SLC25A18: variants seen among roughly 807,000 people sequenced by gnomAD.
SLC25A18 encodes the protein mitochondrial glutamate carrier 2.
A neutral mutation model predicts 31.1 loss-of-function variants in SLC25A18; 24 were observed. The observed-to-expected ratio is 0.77, with a 90% CI of 0.56 to 1.08. The LOEUF is 1.08. SLC25A18 is among the 50% of genes least tolerant of loss of function. The pLI is 0.00. For missense variants in SLC25A18, 371 were observed against 418.5 expected (o/e 0.89, Z 0.99); for synonymous variants, 173 against 161.9 (o/e 1.07, Z -0.52).
chr22:17,569,288 G>C (rs1178659603), intron 1 of SLC25A18, among the ~76,000 whole-genome samples: 1 of 152,122 alleles, frequency 6.6e-6, no homozygotes, highest in Admixed American at 6.5e-5. Flanking sequence ...GATTACAGGC[G>C]TGAGCCACCG....
intron 1 of SLC25A18, among the ~76,000 whole-genome samples, chr22:17,564,987 C>T (rs531874678): frequency 3.3e-4 from 50 of 152,192 alleles, no homozygotes; most frequent in African/African-American, 1.1e-3. Flanking sequence ...GTGGGTGGAT[C>T]GCTTGAGCCC....
At position 17,588,004 on chromosome 22, in the gene SLC25A18, G is replaced by A. The variant is rs1263200560; in HGVS notation, c.655G>A (p.Ala219Thr). 6.2e-7 allele frequency: 1 copy of A among 1,614,218 alleles called. No homozygotes were observed. Among genetic ancestry groups the A allele is most frequent in the East Asian group, 2.2e-5 (1 of 44,884 alleles). The change falls in exon 9 of 11, where the codon GCG becomes ACG. Residue 219 changes from alanine to threonine, a missense_variant. Physicochemically the swap from Ala to Thr is moderately conservative, Grantham distance 58. Coordinates refer to ENST00000327451, the MANE Select transcript of SLC25A18 (RefSeq NM_031481.3). ...GGGGTTCAACGAGCTCGCCGGTAAG[G>A]CGTCCTTTGCACATTCCTTCGTGTC... ...NLGFNELAGK[A>T]SFAHSFVSGC...
At position 17,588,135 on chromosome 22, in the gene SLC25A18, T is replaced by C. The variant is rs532390863; in HGVS notation, c.730+56T>C. On this transcript the variant is annotated intron_variant, in intron 9 of 10. Coordinates refer to ENST00000327451, the MANE Select transcript of SLC25A18 (RefSeq NM_031481.3). ...GGGATAAACAGTAATTTTGCACTTA[T>C]AGATAAAACAGCCTGACCCTGGAAG... is the stretch of plus-strand genomic sequence containing the variant. 28 of 1,599,646 alleles carry C rather than the reference T, an allele frequency of 1.8e-5. No individual in the cohort carries two copies. The East Asian group carries it at 2.5e-4, about 14-fold the overall frequency.
In SLC25A18 at chr22:17,584,426, G is replaced by GAAA. The variant is rs59024396; in HGVS notation, c.409+892_409+893insAAA. 2.2e-3 allele frequency among the ~76,000 whole-genome samples: 216 copies of GAAA among 96,104 alleles called. 1 individual carries two copies. The highest frequency in any genetic ancestry group is 8.9e-3 in the African/African-American group (205 of 22,956). The allele number at this position is 96,104 out of a possible 152,430, so 63.0% of individuals were successfully genotyped here. A position where few individuals can be genotyped will look rare whatever the true frequency, so the allele number is the denominator to read the frequency against. ...AAGAAAGAAAGAAAGAAAGAAAGAA[G>GAAA]GAAGGAAGGAAGGAAGGAAGGAGAG... is the stretch of plus-strand genomic sequence containing the variant. On this transcript the variant is annotated intron_variant, in intron 7 of 10. Transcript: ENST00000327451.
intron 2 of SLC25A18, among the ~76,000 whole-genome samples, chr22:17,575,539 C>T (rs1041371749): frequency 6.6e-6 from 1 of 152,052 alleles, no homozygotes; most frequent in East Asian, 1.9e-4. Context: ...GGTAAAATGC[C>T]CCTAAAAGAG....
rs911781033 is a variant in SLC25A18 at position 17,569,938 on chromosome 22, G to A, written c.-249G>A. ...TCTCCCTGCAGCTCAGCAGCGATCT[G>A]AACTATATCCTGGGTTCCAGAAAAG... On this transcript the variant is annotated 5_prime_UTR_variant, in exon 2 of 11. Coordinates refer to ENST00000327451, the MANE Select transcript of SLC25A18 (RefSeq NM_031481.3). The A allele has an allele frequency of 1.0e-6, 1 of 985,354 alleles. No homozygotes were observed. Among genetic ancestry groups the A allele is most frequent in the African/African-American group, 1.7e-5 (1 of 57,224 alleles). 61.0% of individuals were successfully genotyped at this position (985,354 alleles called of 1,614,324 possible).
intron 2 of SLC25A18, among the ~76,000 whole-genome samples, chr22:17,576,325 G>A (rs2057228216): frequency 1.3e-5 from 2 of 151,406 alleles, no homozygotes. Flanking sequence ...CTGCACTCCA[G>A]CCTGGACGAC....
chr22:17,572,852 A>G (rs1362069221), intron 2 of SLC25A18, among the ~76,000 whole-genome samples: 1 of 151,966 alleles, frequency 6.6e-6, no homozygotes, highest in Non-Finnish European at 1.5e-5. Context: ...CGTGTTAGCC[A>G]GGATGGTCTC....
chr22:17,579,379 G>A (rs1045897417), intron 2 of SLC25A18, among the ~76,000 whole-genome samples: 10 of 152,174 alleles, frequency 6.6e-5, no homozygotes, highest in South Asian at 4.2e-4. Context: ...GAGCCACCAC[G>A]CCCGGCCATC....
At chr22:17,567,493 A>T (rs2056967912) in intron 1 of SLC25A18, among the ~76,000 whole-genome samples, 1 of 151,522 alleles carries the variant, frequency 6.6e-6, no homozygotes, top group African/African-American at 2.4e-5. Flanking sequence ...AGGAGCTGGA[A>T]TCTGAACGTG....
At chr22:17,574,239 A>G (rs1176374045) in intron 2 of SLC25A18, among the ~76,000 whole-genome samples, 1 of 152,268 alleles carries the variant, frequency 6.6e-6, no homozygotes, top group Non-Finnish European at 1.5e-5. Flanking sequence ...GTCCCCTGAA[A>G]AAAAGAAGTA....
At chr22:17,573,754 C>T (rs1200264671) in intron 2 of SLC25A18, among the ~76,000 whole-genome samples, 1 of 152,184 alleles carries the variant, frequency 6.6e-6, no homozygotes. Flanking sequence ...CAGCCCTGGA[C>T]AGTCACCAAG....
chr22:17,564,576 G>A (rs550157690), intron 1 of SLC25A18, among the ~76,000 whole-genome samples: 24 of 152,194 alleles, frequency 1.6e-4, no homozygotes, highest in African/African-American at 5.8e-4. Context: ...AAGGACTTAA[G>A]TTGGCTGGGG....
Position 17,589,624 on chromosome 22 carries a change from C to T in SLC25A18, c.765C>T (p.Gly255=). The part of the protein sequence containing the change: ...LKTRIQTLKK[G]LGEDMYSGIT... Reference sequence around the variant, plus strand: ...CTCGAATCCAAACCCTCAAGAAAGGCCTGGGCGAGGACATGTACAGTGGGA... The same window carrying T: ...CTCGAATCCAAACCCTCAAGAAAGGTCTGGGCGAGGACATGTACAGTGGGA... The change falls in exon 10 of 11, where the codon GGC becomes GGT. Residue 255 remains glycine, a synonymous_variant. Coordinates refer to ENST00000327451, the MANE Select transcript of SLC25A18 (RefSeq NM_031481.3). 6.2e-7 allele frequency: 1 copy of T among 1,614,092 alleles called. No individual in the cohort carries two copies. Among genetic ancestry groups the T allele is most frequent in the South Asian group, 1.1e-5 (1 of 91,076 alleles).
intron 9 of SLC25A18, chr22:17,588,983 G>A (rs953338025): frequency 6.6e-6 from 1 of 150,920 alleles, no homozygotes; most frequent in Non-Finnish European, 1.5e-5. Flanking sequence ...AAGATCACTT[G>A]AGCCCAGATG....
chr22:17,571,494 C>G (rs1042300829), intron 2 of SLC25A18, among the ~76,000 whole-genome samples: 1 of 152,220 alleles, frequency 6.6e-6, no homozygotes, highest in East Asian at 1.9e-4. Flanking sequence ...CTTCTCCAGC[C>G]GGGGCGCAGT....
intron 7 of SLC25A18, chr22:17,583,937 CTG>C: frequency 2.2e-6 from 1 of 456,044 alleles, no homozygotes; most frequent in Middle Eastern, 1.1e-3. Flanking sequence ...GAGTGAGACT[CTG>C]TCTCAAAAAA....
intron 7 of SLC25A18, among the ~76,000 whole-genome samples, chr22:17,584,469 G>GAAAGAA (rs1296203345): frequency 2.5e-5 from 3 of 121,700 alleles, no homozygotes; most frequent in African/African-American, 1.1e-4. Flanking sequence ...GAGAGAGAGA[G>GAAAGAA]AGAAAGAAAG....
At chr22:17,589,774 TTGAAGTC>T in intron 10 of SLC25A18, 109 bp downstream of exon 10, 5 of 1,064,650 alleles carry the variant, frequency 4.7e-6, no homozygotes, top group Non-Finnish European at 2.8e-6. Context: ...CTGGGTTTCT[TTGAAGTC>T]TGTCTTTCCC....
Sources: allele counts gnomAD v4.1 joint callset (sites outside exome capture counted in the v4.1 genomes callset), GRCh38; gene constraint gnomAD v4.1.1; transcripts MANE v1.5; gene names NCBI Gene and HGNC (gene_info 2026-07-23, HGNC 2026-07-21).